Variants in MEOX2 observed in about 807,000 individuals in gnomAD.
The protein encoded by MEOX2 is mesenchyme homeobox 2, also known as homeobox protein MOX-2.
A neutral mutation model predicts 27.0 loss-of-function variants in MEOX2; 11 were observed. That is an observed-to-expected ratio of 0.41 (90% confidence interval 0.26 to 0.68). MEOX2 has a LOEUF of 0.68. Ranked by LOEUF, MEOX2 falls within the 30% of genes least tolerant of loss-of-function variation. The pLI is 0.33. For missense variants in MEOX2, 436 were observed against 385.4 expected (o/e 1.13, Z -1.10); for synonymous variants, 189 against 155.4 (o/e 1.22, Z -1.61).
chr7:15,636,061 T>A (rs1781474954), intron 1 of MEOX2, among the ~76,000 whole-genome samples: 1 of 152,014 alleles, frequency 6.6e-6, no homozygotes, highest in African/African-American at 2.4e-5. Flanking sequence ...TACATAAATG[T>A]AGGAAGATAG....
chr7:15,612,738 G>A (rs1781052511), intron 2 of MEOX2, 127 bp from the exon 3 acceptor site: 2 of 681,794 alleles, frequency 2.9e-6, no homozygotes, highest in East Asian at 2.7e-5. Context: ...ATGAAGGAGT[G>A]AATAGAAAAA....
rs1781658373 is a variant in MEOX2, at chr7:15,646,847, G to A, written c.518-19929C>T. Among the ~76,000 whole-genome samples the A allele has an allele frequency of 2.0e-5, 3 of 151,816 alleles. No individual in the cohort carries two copies. In the East Asian group the frequency reaches 5.8e-4, roughly 29 times the overall value. On this transcript the variant is annotated intron_variant, in intron 1 of 2. Transcript: ENST00000262041. ...AAGGTGACAGTTGATTTTAATTAAT[G>A]TTTTCTATTTATTAATATTCTGTTA... is the stretch of plus-strand genomic sequence containing the variant.
chr7:15,674,222 A>G (rs1023163481), intron 1 of MEOX2, among the ~76,000 whole-genome samples: 2 of 152,168 alleles, frequency 1.3e-5, no homozygotes, highest in East Asian at 1.9e-4. Flanking sequence ...AGAATTCCAC[A>G]AACAGAAATG....
At chr7:15,622,556 A>T (rs1292517812) in intron 2 of MEOX2, among the ~76,000 whole-genome samples, 1 of 152,174 alleles carries the variant, frequency 6.6e-6, no homozygotes, top group Non-Finnish European at 1.5e-5. Flanking sequence ...AGGTTATTTT[A>T]ACATATGAAA....
chr7:15,672,892 GAA>G (rs199943563), intron 1 of MEOX2, among the ~76,000 whole-genome samples: 10 of 134,398 alleles, frequency 7.4e-5, no homozygotes, highest in South Asian at 2.4e-4. Flanking sequence ...ATTCTGTCTT[GAA>G]AAAAAAAAAA....
Position 15,652,287 on chromosome 7 carries a change from T to C in MEOX2, c.518-25369A>G, listed in dbSNP as rs968511895. Among the ~76,000 whole-genome samples the C allele has an allele frequency of 2.6e-5, 4 of 152,174 alleles. No individual in the cohort carries two copies. The East Asian group carries it at 7.7e-4, about 29-fold the overall frequency. The stretch of plus-strand genomic sequence containing the variant: ...TAGAACCCTGTCATAAAGTAGAAAA[T>C]GCATATGTAATTACTCATGCATTTT... On this transcript the variant is annotated intron_variant, in intron 1 of 2. Coordinates refer to ENST00000262041, the MANE Select transcript of MEOX2 (RefSeq NM_005924.5).
rs775135812 is a variant in MEOX2, at chr7:15,682,281, A to G, written c.517+3605T>C. Among the ~76,000 whole-genome samples, 172 of 151,830 alleles carry G rather than the reference A, an allele frequency of 1.1e-3. 1 individual carries two copies. The highest frequency in any genetic ancestry group is 5.5e-4 in the Non-Finnish European group (37 of 67,736). ...ATAATAACACTAATTTATTCCTTTC[A>G]GAAAACACAATGATTGAAATATCTT... On this transcript the variant is annotated intron_variant, in intron 1 of 2. Coordinates refer to ENST00000262041, the MANE Select transcript of MEOX2 (RefSeq NM_005924.5).
At chr7:15,665,354 T>A (rs1037662991) in intron 1 of MEOX2, among the ~76,000 whole-genome samples, 1 of 152,116 alleles carries the variant, frequency 6.6e-6, no homozygotes, top group Non-Finnish European at 1.5e-5. Context: ...GAAGGAATAT[T>A]CAAAGCAAAA....
chr7:15,654,055 C>A (rs955648572), intron 1 of MEOX2, among the ~76,000 whole-genome samples: 4 of 151,838 alleles, frequency 2.6e-5, no homozygotes, highest in African/African-American at 9.7e-5. Context: ...TATGTCTCTC[C>A]ATCTATTTAG....
intron 1 of MEOX2, among the ~76,000 whole-genome samples, chr7:15,656,937 T>C (rs985123366): frequency 1.3e-5 from 2 of 152,062 alleles, no homozygotes; most frequent in African/African-American, 4.8e-5. Context: ...CTCCCTGTCA[T>C]TCCTGAGAAT....
rs1781034203 is a variant in MEOX2 at position 15,611,699 on chromosome 7, C to T, written c.*688G>A. 1 of 152,890 alleles carries T rather than the reference C, an allele frequency of 6.5e-6. No individual in the cohort carries two copies. Among genetic ancestry groups the T allele is most frequent in the Admixed American group, 6.5e-5 (1 of 15,322 alleles). 9.5% of individuals were successfully genotyped at this position (152,890 alleles called of 1,614,324 possible). A position where few individuals can be genotyped will look rare whatever the true frequency, so the allele number is the denominator to read the frequency against. The stretch of plus-strand genomic sequence containing the variant: ...TTCTCTACTTGAACACAGGTAAGCA[C>T]ATACTGATTGTCTCTGGGATGACAA... On this transcript the variant is annotated 3_prime_UTR_variant, in exon 3 of 3. Transcript: ENST00000262041.
At chr7:15,626,364 C>A (rs1161037409) in intron 2 of MEOX2, among the ~76,000 whole-genome samples, 1 of 151,944 alleles carries the variant, frequency 6.6e-6, no homozygotes, top group Non-Finnish European at 1.5e-5. Flanking sequence ...CATGACCTAT[C>A]CTGAGCAATA....
intron 1 of MEOX2, chr7:15,668,021 A>G (rs565295387): frequency 6.6e-6 from 1 of 152,314 alleles, no homozygotes; most frequent in African/African-American, 2.4e-5. Context: ...TATTGGTTTA[A>G]TTCGTTTTTC....
chr7:15,649,667 G>T (rs1282717137), intron 1 of MEOX2, among the ~76,000 whole-genome samples: 1 of 152,014 alleles, frequency 6.6e-6, no homozygotes, highest in Non-Finnish European at 1.5e-5. Flanking sequence ...CAGAAACATG[G>T]TTAATGCCAT....
intron 1 of MEOX2, among the ~76,000 whole-genome samples, chr7:15,656,962 C>G (rs1336025883): frequency 2.0e-5 from 3 of 151,990 alleles, no homozygotes; most frequent in African/African-American, 7.2e-5. Context: ...TTTCTGAGTA[C>G]CAAATCCTGA....
chr7:15,612,690 A>G (rs1214468803), intron 2 of MEOX2, 79 bp from the exon 3 acceptor site: 4 of 1,228,580 alleles, frequency 3.3e-6, no homozygotes, highest in East Asian at 4.7e-5. Flanking sequence ...AGTGTCATCA[A>G]TGAAAAGAAG....
chr7:15,657,153 G>C (rs1207506435), intron 1 of MEOX2, among the ~76,000 whole-genome samples: 2 of 152,068 alleles, frequency 1.3e-5, no homozygotes, highest in African/African-American at 4.8e-5. Context: ...GTTTGACTGT[G>C]ATGCGTTTAG....
rs1781235574 is a variant in MEOX2, at chr7:15,622,464, C to G, written c.690+4282G>C. ...GAAACTATTTTATATTCAAATAATT[C>G]TATTAAAGCTAAGGAAAATATTGAA... On this transcript the variant is annotated intron_variant, in intron 2 of 2. Transcript: ENST00000262041. 2.0e-5 allele frequency among the ~76,000 whole-genome samples: 3 copies of G among 151,934 alleles called. No homozygotes were observed. The South Asian group carries it at 6.2e-4, about 32-fold the overall frequency.
intron 1 of MEOX2, among the ~76,000 whole-genome samples, chr7:15,637,621 A>G (rs1781501853): frequency 6.6e-6 from 1 of 152,072 alleles, no homozygotes. Context: ...AGTAGTATCC[A>G]GTTTTTAAAG....
Sources: allele counts gnomAD v4.1 joint callset (sites outside exome capture counted in the v4.1 genomes callset), GRCh38; gene constraint gnomAD v4.1.1; transcripts MANE v1.5; gene names NCBI Gene and HGNC (gene_info 2026-07-23, HGNC 2026-07-21).